Variants in ITGA8 observed in about 807,000 individuals in gnomAD.
ITGA8 encodes the protein integrin subunit alpha 8.
In ITGA8, 91 loss-of-function variants were observed where a neutral mutation model predicts 142.3. The observed-to-expected ratio is 0.64, with a 90% CI of 0.54 to 0.76. ITGA8 has a LOEUF of 0.76. ITGA8 is among the 30% of genes least tolerant of loss of function. The pLI is 0.00. For synonymous variants in ITGA8, 505 were observed against 485.2 expected, an observed-to-expected ratio of 1.04 and a Z score of -0.54; for missense variants, 1,406 against 1,327.7, an observed-to-expected ratio of 1.06 and a Z score of -0.92.
intron 2 of ITGA8, among the ~76,000 whole-genome samples, chr10:15,712,251 A>G (rs1235485178): frequency 2.6e-5 from 4 of 152,156 alleles, no homozygotes; most frequent in African/African-American, 9.7e-5. Context: ...TTTTTAATAA[A>G]ACCAATAATT....
intron 2 of ITGA8, among the ~76,000 whole-genome samples, chr10:15,714,883 A>C (rs956952607): frequency 1.3e-5 from 2 of 152,194 alleles, no homozygotes; most frequent in African/African-American, 4.8e-5. Flanking sequence ...CAGGGACCTG[A>C]ACAAGTTGAA....
intron 2 of ITGA8, among the ~76,000 whole-genome samples, chr10:15,697,882 A>C (rs1347220055): frequency 2.0e-5 from 3 of 152,212 alleles, no homozygotes; most frequent in African/African-American, 7.2e-5. Context: ...TGAAGTAAAG[A>C]AAAATGGTAT....
At chr10:15,694,567 A>G (rs1399407624) in intron 2 of ITGA8, among the ~76,000 whole-genome samples, 3 of 138,236 alleles carry the variant, frequency 2.2e-5, no homozygotes. Flanking sequence ...GAGTTATAAT[A>G]TATAAAATAT....
chr10:15,707,393 G>A (rs1564418441), intron 2 of ITGA8, among the ~76,000 whole-genome samples: 1 of 152,204 alleles, frequency 6.6e-6, no homozygotes, highest in African/African-American at 2.4e-5. Flanking sequence ...GCCAAGGAAT[G>A]TGGGTCACCT....
At chr10:15,575,738 G>A (rs560937869) in intron 23 of ITGA8, 144 bp from the exon 24 acceptor site, 1 of 628,966 alleles carries the variant, frequency 1.6e-6, no homozygotes, top group Non-Finnish European at 2.9e-6. Flanking sequence ...AATATTGAAA[G>A]TGATGTACAG....
In ITGA8 at chr10:15,705,931, A is replaced by G. The variant is rs1003600998; in HGVS notation, c.343+12835T>C. Among the ~76,000 whole-genome samples, 13 of 151,780 alleles carry G rather than the reference A, an allele frequency of 8.6e-5. 1 individual carries two copies. The highest frequency in any genetic ancestry group is 1.5e-5 in the Non-Finnish European group (1 of 67,968). On this transcript the variant is annotated intron_variant, in intron 2 of 29. Transcript: ENST00000378076. Reference sequence around the variant, plus strand: ...ATGGTGCCCCAGGAGTCAATCTCAAACTCATTCTCACCTCTTTTCTGCTCT... The same window carrying G: ...ATGGTGCCCCAGGAGTCAATCTCAAGCTCATTCTCACCTCTTTTCTGCTCT...
At chr10:15,557,535 T>C (rs1833907516) in intron 26 of ITGA8, among the ~76,000 whole-genome samples, 1 of 152,156 alleles carries the variant, frequency 6.6e-6, no homozygotes, top group Non-Finnish European at 1.5e-5. Flanking sequence ...TTTTAAAAAG[T>C]AGAGGCTGGG....
At chr10:15,552,229 C>T (rs561447057) in intron 26 of ITGA8, among the ~76,000 whole-genome samples, 12 of 152,168 alleles carry the variant, frequency 7.9e-5, no homozygotes, top group Admixed American at 5.2e-4. Context: ...CTCCGCCTCC[C>T]GGGTTCACGC....
intron 3 of ITGA8, among the ~76,000 whole-genome samples, chr10:15,686,800 A>AT (rs1834839583): frequency 6.6e-6 from 1 of 152,108 alleles, no homozygotes; most frequent in Non-Finnish European, 1.5e-5. Context: ...AAAATTAATC[A>AT]TTTTTTATTA....
chr10:15,676,287 A>G (rs1017580143), intron 6 of ITGA8, among the ~76,000 whole-genome samples: 1 of 152,196 alleles, frequency 6.6e-6, no homozygotes, highest in African/African-American at 2.4e-5. Context: ...CTGCTGGCCT[A>G]TGCAGCACCT....
At chr10:15,606,500 A>T in intron 17 of ITGA8, 78 bp from the exon 18 acceptor site, 1 of 1,331,452 alleles carries the variant, frequency 7.5e-7, no homozygotes, top group Non-Finnish European at 1.0e-6. Context: ...GTCAGGCAAC[A>T]CTGGAATTTA....
Position 15,548,476 on chromosome 10 carries a change from T to C in ITGA8, c.2859A>G (p.Leu953=). 4 of 1,609,812 alleles carry C rather than the reference T, an allele frequency of 2.5e-6. No homozygotes were observed. The highest frequency in any genetic ancestry group is 3.4e-6 in the Non-Finnish European group (4 of 1,178,284). Residue 953 remains leucine (L), a synonymous_variant, in exon 27 of 30, where the codon TTA becomes TTG. Coordinates refer to ENST00000378076, the MANE Select transcript of ITGA8 (RefSeq NM_003638.3). ...ESAVLKVRSR[L]WAHTFLQRKN... Reference sequence around the variant, plus strand: ...TTACCTGGAGGAAGGTGTGGGCCCATAATCGTGACCTGACTTTCAGGACTG... The same window carrying C: ...TTACCTGGAGGAAGGTGTGGGCCCACAATCGTGACCTGACTTTCAGGACTG...
intron 25 of ITGA8, among the ~76,000 whole-genome samples, chr10:15,570,971 C>T (rs543142016): frequency 9.2e-5 from 14 of 152,126 alleles, no homozygotes; most frequent in East Asian, 3.8e-4. Context: ...AAATGTTATA[C>T]ATTTGCATTT....
chr10:15,675,069 T>C (rs1365179241), intron 6 of ITGA8, among the ~76,000 whole-genome samples: 1 of 152,194 alleles, frequency 6.6e-6, no homozygotes, highest in Non-Finnish European at 1.5e-5. Flanking sequence ...TCCTAAACTT[T>C]ATAGCCCAAA....
chr10:15,574,652 G>T (rs1834249641), intron 24 of ITGA8, among the ~76,000 whole-genome samples: 2 of 151,852 alleles, frequency 1.3e-5, no homozygotes, highest in African/African-American at 4.8e-5. Flanking sequence ...GCCTCCCGAA[G>T]TGCTGGGATT....
chr10:15,671,587 C>G lies in ITGA8; in HGVS notation c.847+16G>C, dbSNP rs1489721559. The G allele has an allele frequency of 6.2e-7, 1 of 1,605,848 alleles. No individual in the cohort carries two copies. The highest frequency in any genetic ancestry group is 8.5e-7 in the Non-Finnish European group (1 of 1,172,806). On this transcript the variant is annotated intron_variant, in intron 8 of 29. Transcript: ENST00000378076. ...CCATGCTTTATAAGTGATTTAAACT[C>G]AACAGTGCCTCTCACCTTGCTGAGA...
intron 25 of ITGA8, among the ~76,000 whole-genome samples, chr10:15,566,819 G>GA (rs543178898): frequency 0.041 from 3,695 of 89,354 alleles, 63 homozygotes; most frequent in African/African-American, 0.07. Flanking sequence ...CTTAAAAAAA[G>GA]AAAAAAAAAG....
At chr10:15,637,205 A>G (rs931032468) in intron 13 of ITGA8, among the ~76,000 whole-genome samples, 1 of 152,188 alleles carries the variant, frequency 6.6e-6, no homozygotes, top group Non-Finnish European at 1.5e-5. Context: ...GTTTTTCAAA[A>G]TCTTATGTGG....
intron 27 of ITGA8, among the ~76,000 whole-genome samples, chr10:15,539,534 G>C (rs1774473563): frequency 6.6e-6 from 1 of 152,096 alleles, no homozygotes; most frequent in African/African-American, 2.4e-5. Context: ...GGAAATAAAA[G>C]AACAATCATG....
Sources: allele counts gnomAD v4.1 joint callset (sites outside exome capture counted in the v4.1 genomes callset), GRCh38; gene constraint gnomAD v4.1.1; transcripts MANE v1.5; gene names NCBI Gene and HGNC (gene_info 2026-07-23, HGNC 2026-07-21).